OAT: variants seen among roughly 807,000 people sequenced by gnomAD.
The protein encoded by OAT is ornithine aminotransferase, mitochondrial.
OAT carries 35 observed loss-of-function variants against 48.4 expected under a neutral mutation model. The observed-to-expected ratio is 0.72, with a 90% CI of 0.55 to 0.96. OAT has a LOEUF of 0.96. OAT is among the 40% of genes least tolerant of loss of function. The pLI is 0.00. For synonymous variants in OAT, 182 were observed against 198.4 expected (o/e 0.92, Z 0.70); for missense variants, 438 against 537.9 (o/e 0.81, Z 1.84).
intron 2 of OAT, among the ~76,000 whole-genome samples, chr10:124,410,531 G>T (rs1181748691): frequency 1.3e-5 from 2 of 152,196 alleles, no homozygotes; most frequent in African/African-American, 4.8e-5. Flanking sequence ...AGTCAGCTGG[G>T]CACAGTAGCT....
intron 2 of OAT, 89 bp downstream of exon 2, chr10:124,411,884 G>T: frequency 8.9e-7 from 1 of 1,123,576 alleles, no homozygotes; most frequent in Non-Finnish European, 1.4e-6. Flanking sequence ...AACACATCTA[G>T]AAAAATGTAT....
At chr10:124,415,337 C>T (rs1344164316) in intron 1 of OAT, among the ~76,000 whole-genome samples, 4 of 152,074 alleles carry the variant, frequency 2.6e-5, no homozygotes, top group African/African-American at 9.7e-5. Flanking sequence ...AGCTATGTTG[C>T]CCAGGTTGGC....
At chr10:124,417,943 G>A (rs1951969992) in intron 1 of OAT, among the ~76,000 whole-genome samples, 1 of 152,222 alleles carries the variant, frequency 6.6e-6, no homozygotes, top group African/African-American at 2.4e-5. Context: ...GAGACGGTGG[G>A]TCACAGGGCG....
chr10:124,401,370 A>G (rs930045747), intron 8 of OAT, among the ~76,000 whole-genome samples: 2 of 152,230 alleles, frequency 1.3e-5, no homozygotes, highest in Non-Finnish European at 2.9e-5. Flanking sequence ...CACTTAAAAA[A>G]TCAGTCTGAA....
intron 2 of OAT, among the ~76,000 whole-genome samples, chr10:124,410,084 T>C (rs1349608774): frequency 1.3e-5 from 2 of 152,246 alleles, no homozygotes; most frequent in East Asian, 3.8e-4. Context: ...TGTGTGATAC[T>C]CTTATATTGT....
chr10:124,400,536 C>T (rs531674981), intron 9 of OAT, among the ~76,000 whole-genome samples: 3 of 151,620 alleles, frequency 2.0e-5, no homozygotes, highest in East Asian at 3.9e-4. Flanking sequence ...AGGTGGATCA[C>T]GAGGTCAGGA....
In OAT at chr10:124,397,580, A is replaced by G. The variant is rs1951267782; in HGVS notation, c.*362T>C. On this transcript the variant is annotated 3_prime_UTR_variant, in exon 10 of 10. Transcript: ENST00000368845. ...AGCCTTTTATGCAATACCCAGAGAT[A>G]ACTTTTTCAAATATGAAACACTTAT... The G allele has an allele frequency of 9.9e-6, 2 of 201,688 alleles. No homozygotes were observed. The highest frequency in any genetic ancestry group is 2.0e-5 in the Non-Finnish European group (2 of 97,814). 12.5% of individuals were successfully genotyped at this position (201,688 alleles called of 1,614,324 possible).
chr10:124,412,224 T>A (rs1183768130), intron 1 of OAT, 24 bp from the exon 2 acceptor site: 2 of 1,548,972 alleles, frequency 1.3e-6, no homozygotes, highest in Non-Finnish European at 1.8e-6. Flanking sequence ...AGAGAATGCA[T>A]TAAGAGTGAG....
At chr10:124,416,230 C>G (rs975092159) in intron 1 of OAT, among the ~76,000 whole-genome samples, 1 of 152,136 alleles carries the variant, frequency 6.6e-6, no homozygotes, top group African/African-American at 2.4e-5. Flanking sequence ...GTAAAATTCA[C>G]TTTGCATTCC....
At chr10:124,407,536 C>G (rs1264971870) in intron 4 of OAT, 2 of 760,744 alleles carry the variant, frequency 2.6e-6, no homozygotes, top group African/African-American at 3.8e-5. Context: ...AAGATTTCTT[C>G]TTTGGGAATA....
rs753450237 is a variant in OAT at position 124,400,825 on chromosome 10, G to A, written c.1159+15C>T. 2.6e-6 allele frequency: 4 copies of A among 1,567,618 alleles called. No homozygotes were observed. Among genetic ancestry groups the A allele is most frequent in the African/African-American group, 2.7e-5 (2 of 74,264 alleles). ...CCTTAAAAAATTATCTTGAGTAAAT[G>A]TTTTATCTCCATACCTTTGGTTTCT... is the stretch of plus-strand genomic sequence containing the variant. On this transcript the variant is annotated intron_variant, in intron 9 of 9. Transcript: ENST00000368845.
intron 4 of OAT, chr10:124,407,067 C>G (rs1453535720): frequency 3.0e-6 from 3 of 985,292 alleles, no homozygotes; most frequent in Non-Finnish European, 3.6e-6. Context: ...GCTGGATTAT[C>G]GTATTTTGGC....
At chr10:124,400,479 C>A (rs967230007) in intron 9 of OAT, among the ~76,000 whole-genome samples, 3 of 147,212 alleles carry the variant, frequency 2.0e-5, no homozygotes, top group Non-Finnish European at 3.0e-5. Context: ...TGTGGCCGGG[C>A]GCGGTGGGCT....
rs924229031 is a variant in OAT, at chr10:124,405,863, C to T, written c.521-300G>A. On this transcript the variant is annotated intron_variant, in intron 4 of 9. Coordinates refer to ENST00000368845, the MANE Select transcript of OAT (RefSeq NM_000274.4). ...ATAACTTACTTTTCTTTCAATAATC[C>T]CCAACCCAAAACCAAGCCCTAACAA... 18 of 1,206,602 alleles carry T rather than the reference C, an allele frequency of 1.5e-5. No individual in the cohort carries two copies. The South Asian group carries it at 2.9e-4, about 20-fold the overall frequency. 74.7% of individuals were successfully genotyped at this position (1,206,602 alleles called of 1,614,324 possible). A position where few individuals can be genotyped will look rare whatever the true frequency, so the allele number is the denominator to read the frequency against.
Position 124,408,313 on chromosome 10 carries a change from G to A in OAT, c.520+229C>T, listed in dbSNP as rs377528985. On this transcript the variant is annotated intron_variant, in intron 4 of 9. Transcript: ENST00000368845. ...TGTGTGTGTGTGTGTGTGTGTGTGT[G>A]TGTGTATATATATATATATATATAT... Among the ~76,000 whole-genome samples the A allele has an allele frequency of 0.19, 11,123 of 57,874 alleles. 642 individuals carry two copies. The highest frequency in any genetic ancestry group is 0.38 in the East Asian group (762 of 2,012). 38.0% of individuals were successfully genotyped at this position (57,874 alleles called of 152,430 possible). A position where few individuals can be genotyped will look rare whatever the true frequency, so the allele number is the denominator to read the frequency against.
chr10:124,416,751 G>A (rs926662120), intron 1 of OAT, among the ~76,000 whole-genome samples: 6 of 152,068 alleles, frequency 3.9e-5, no homozygotes, highest in South Asian at 2.1e-4. Flanking sequence ...AAGAATAGTC[G>A]GCGTAAAGTT....
At chr10:124,404,066 T>C in intron 5 of OAT, 146 bp from the exon 6 acceptor site, 1 of 907,940 alleles carries the variant, frequency 1.1e-6, no homozygotes, top group East Asian at 2.7e-5. Flanking sequence ...TCACTGCCAT[T>C]CAATTATCAG....
chr10:124,403,771 C>G (rs770439115), intron 6 of OAT, 27 bp downstream of exon 6: 1 of 1,613,864 alleles, frequency 6.2e-7, no homozygotes, highest in South Asian at 1.1e-5. Context: ...GACATTCAGC[C>G]TTATCACAAA....
intron 8 of OAT, 74 bp from the exon 9 acceptor site, chr10:124,401,058 A>G: frequency 9.8e-7 from 1 of 1,021,020 alleles, no homozygotes; most frequent in Non-Finnish European, 1.5e-6. Flanking sequence ...CGGGGACTGT[A>G]AACACAGGAA....
Sources: allele counts gnomAD v4.1 joint callset (sites outside exome capture counted in the v4.1 genomes callset), GRCh38; gene constraint gnomAD v4.1.1; transcripts MANE v1.5; gene names NCBI Gene and HGNC (gene_info 2026-07-23, HGNC 2026-07-21).